MEGF6: variants seen among roughly 807,000 people sequenced by gnomAD.
MEGF6 encodes multiple EGF like domains 6, also known as multiple epidermal growth factor-like domains protein 6.
MEGF6 carries 184 observed loss-of-function variants against 207.1 expected under a neutral mutation model. That is an observed-to-expected ratio of 0.89 (90% confidence interval 0.79 to 1.00). The LOEUF (loss-of-function observed/expected upper bound fraction) is 1.00, where lower values mean the gene tolerates loss of function less well. MEGF6 is among the 50% of genes least tolerant of loss of function. The pLI is 0.00. For missense variants in MEGF6, 2,282 were observed against 2,202.9 expected, an observed-to-expected ratio of 1.04 and a Z score of -0.72; for synonymous variants, 1,038 against 910.0, an observed-to-expected ratio of 1.14 and a Z score of -2.53.
At position 3,506,123 on chromosome 1, in the gene MEGF6, G is replaced by A. The variant is rs777507618; in HGVS notation, c.1903C>T (p.Arg635Cys). 7.3e-5 allele frequency: 117 copies of A among 1,594,726 alleles called. No homozygotes were observed. Among genetic ancestry groups the A allele is most frequent in the Non-Finnish European group, 9.2e-5 (108 of 1,171,268 alleles). The change falls in exon 15 of 37, where the codon CGC becomes TGC. Residue 635 changes from arginine (R) to cysteine (C), a missense_variant. Coordinates refer to ENST00000356575, the MANE Select transcript of MEGF6 (RefSeq NM_001409.4). ...ACLCDPGLYG[R>C]FCHLTCPPWA... ...TGAGACTCACTGAGGTGGCAGAAGC[G>A]GCCGTAGAGCCCTGGGTCGCAGAGG... is the stretch of plus-strand genomic sequence containing the variant.
intron 2 of MEGF6, among the ~76,000 whole-genome samples, chr1:3,599,639 G>C (rs1314416397): frequency 1.3e-5 from 2 of 152,266 alleles, no homozygotes; most frequent in Non-Finnish European, 2.9e-5. Context: ...CGAGTCACCA[G>C]TCACCCAGTC....
intron 4 of MEGF6, among the ~76,000 whole-genome samples, chr1:3,533,907 C>G (rs775624923): frequency 5.9e-5 from 9 of 152,188 alleles, no homozygotes; most frequent in Non-Finnish European, 1.3e-4. Flanking sequence ...ACTCTGACAC[C>G]CTCCAGGCTC....
intron 24 of MEGF6, 80 bp from the exon 25 acceptor site, chr1:3,498,906 G>A: frequency 2.0e-6 from 3 of 1,513,822 alleles, no homozygotes; most frequent in Non-Finnish European, 1.8e-6. Context: ...CCAGCCCCAT[G>A]TTGGACTTTG....
intron 4 of MEGF6, among the ~76,000 whole-genome samples, chr1:3,574,410 C>A (rs985426648): frequency 2.0e-5 from 3 of 152,196 alleles, no homozygotes; most frequent in Admixed American, 2.0e-4. Context: ...ACCTCCCAAA[C>A]CTTCCCCAGC....
chr1:3,494,620 G>A lies in MEGF6; in HGVS notation c.3993C>T (p.Cys1331=), dbSNP rs78747258. 104,299 of 1,562,322 alleles carry A rather than the reference G, an allele frequency of 0.067. 4,409 individuals are homozygous for A. The highest frequency in any genetic ancestry group is 0.18 in the Admixed American group (9,401 of 52,910). ...CTGGCCCCGCACACTCACCCAGCTC[G>A]CAGTGCCGCCCCGTCCAGCCCAGGC... ...SCGLGWTGRH[C]ELACPPGRYG... is the part of the protein sequence containing the mutation. Residue 1331 remains cysteine, a synonymous_variant, in exon 31 of 37, where the codon TGC becomes TGT. Transcript: ENST00000356575.
intron 1 of MEGF6, among the ~76,000 whole-genome samples, chr1:3,606,487 C>T (rs906994074): frequency 6.6e-6 from 1 of 152,188 alleles, no homozygotes. Flanking sequence ...GAACCTCTGC[C>T]TCAGTTTCCT....
intron 4 of MEGF6, among the ~76,000 whole-genome samples, chr1:3,554,482 A>G (rs988800144): frequency 2.6e-5 from 4 of 152,174 alleles, no homozygotes; most frequent in African/African-American, 9.7e-5. Flanking sequence ...TAAGGGCCCC[A>G]GGGTCCCAGC....
chr1:3,508,067 T>G, intron 13 of MEGF6, 144 bp from the exon 14 acceptor site: 4 of 867,654 alleles, frequency 4.6e-6, no homozygotes, highest in South Asian at 1.8e-5. Context: ...CTGCCCATGC[T>G]CATGGCAGAC....
intron 3 of MEGF6, among the ~76,000 whole-genome samples, chr1:3,593,140 G>T (rs1234996412): frequency 1.3e-5 from 2 of 152,152 alleles, no homozygotes; most frequent in Non-Finnish European, 2.9e-5. Flanking sequence ...CGGGCCCAAA[G>T]CTCACCTCGA....
chr1:3,618,426 G>A, the MEGF6 span, among the ~76,000 whole-genome samples: 121 of 152,250 alleles, frequency 7.9e-4, no homozygotes, highest in Non-Finnish European at 1.4e-3. This position sits in a 1 kb window ranked among gnomAD's most constrained non-coding sequence, Gnocchi z 4.7. Context: ...GGGGACCCTG[G>A]GCCCCACACG....
rs924865220 is a variant in MEGF6 at position 3,565,659 on chromosome 1, G to A, written c.481+14166C>T. ...CTCCTGAATTGCCCAGTTAAACAGA[G>A]TGGCATGGGGCTGTCCAGGATTCCC... On this transcript the variant is annotated intron_variant, in intron 4 of 36. Transcript: ENST00000356575. This position sits in a 1 kb window ranked among gnomAD's most constrained non-coding sequence, Gnocchi z 4.8. Among the ~76,000 whole-genome samples the A allele has an allele frequency of 4.6e-5, 7 of 152,168 alleles. No individual in the cohort carries two copies. Among genetic ancestry groups the A allele is most frequent in the Non-Finnish European group, 1.0e-4 (7 of 68,024 alleles).
chr1:3,586,388 CGT>C (rs148022094), intron 3 of MEGF6, among the ~76,000 whole-genome samples: 7 of 152,200 alleles, frequency 4.6e-5, no homozygotes, highest in African/African-American at 1.7e-4. Context: ...TGTGCGTATG[CGT>C]GTGTGTGTGC....
intron 26 of MEGF6, chr1:3,497,726 G>C: frequency 2.5e-6 from 1 of 402,796 alleles, no homozygotes; most frequent in Non-Finnish European, 4.7e-6. Flanking sequence ...GCACTGAGGC[G>C]ACGGGAGCCA....
chr1:3,547,355 G>A (rs926965216), intron 4 of MEGF6, among the ~76,000 whole-genome samples: 3 of 152,164 alleles, frequency 2.0e-5, no homozygotes, highest in African/African-American at 4.8e-5. Flanking sequence ...GCCTCTCCCC[G>A]GGCCTTCAGT....
chr1:3,520,330 C>T (rs1336782064), intron 5 of MEGF6, among the ~76,000 whole-genome samples: 1 of 152,248 alleles, frequency 6.6e-6, no homozygotes, highest in Non-Finnish European at 1.5e-5. Flanking sequence ...AGTGCTAGAC[C>T]ACATGGGAGC....
intron 3 of MEGF6, among the ~76,000 whole-genome samples, chr1:3,582,965 C>G (rs2794335): frequency 0.62 from 94,334 of 152,014 alleles, 31,320 homozygotes; most frequent in Non-Finnish European, 0.75. Context: ...CTGTCACGCA[C>G]CCAGTTCCGA....
intron 35 of MEGF6, 33 bp downstream of exon 35, chr1:3,492,606 C>T: frequency 3.1e-6 from 5 of 1,595,744 alleles, no homozygotes; most frequent in Middle Eastern, 1.7e-4. Flanking sequence ...GGGGATGGTG[C>T]CTTCCCGCCC....
At chr1:3,621,102 T>G in the MEGF6 span, among the ~76,000 whole-genome samples, 1 of 152,200 alleles carries the variant, frequency 6.6e-6, no homozygotes, top group Non-Finnish European at 1.5e-5. Context: ...AAGCACAGCA[T>G]CACAGGGAGA....
At chr1:3,536,403 G>A (rs1386873840) in intron 4 of MEGF6, among the ~76,000 whole-genome samples, 3 of 152,218 alleles carry the variant, frequency 2.0e-5, no homozygotes, top group Non-Finnish European at 4.4e-5. Context: ...TGGAAGAGCT[G>A]GAGTATAAAT....
Sources: allele counts gnomAD v4.1 joint callset (sites outside exome capture counted in the v4.1 genomes callset), GRCh38; gene constraint gnomAD v4.1.1; non-coding constraint Gnocchi (gnomAD v3.1); transcripts MANE v1.5; gene names NCBI Gene and HGNC (gene_info 2026-07-23, HGNC 2026-07-21).